The following ERCC1 variants were observed in gnomAD, a reference collection of about 807,000 sequenced individuals.
ERCC1 encodes the protein DNA excision repair protein ERCC-1.
Under a neutral mutation model 37.6 loss-of-function variants are expected in ERCC1, and 36 were observed. The observed-to-expected ratio is 0.96, with a 90% CI of 0.73 to 1.26. ERCC1 has a LOEUF of 1.26. ERCC1 is among the 50% of genes most tolerant of loss of function. The probability of loss-of-function intolerance (pLI) is 0.00; values close to 1 mark genes in which losing one functional copy is unlikely to be tolerated. For missense variants in ERCC1, 349 were observed against 376.5 expected, an observed-to-expected ratio of 0.93 and a Z score of 0.60; for synonymous variants, 156 against 162.1, an observed-to-expected ratio of 0.96 and a Z score of 0.28.
At chr19:45,421,092 T>A in intron 3 of ERCC1, 86 bp downstream of exon 3, 1 of 1,140,886 alleles carries the variant, frequency 8.8e-7, no homozygotes, top group South Asian at 1.2e-5. Context: ...TGGCTGGAAC[T>A]CAGACCTCCT....
intron 1 of ERCC1, 104 bp from the exon 2 acceptor site, chr19:45,423,485 C>T (rs1261054333): frequency 7.3e-6 from 11 of 1,511,404 alleles, no homozygotes; most frequent in East Asian, 2.5e-5. Context: ...ACTCCGAGAG[C>T]TCCATAGCGT....
At chr19:45,451,466 G>A (rs57574142) in intron 1 of ERCC1, among the ~76,000 whole-genome samples, 194 of 152,242 alleles carry the variant, frequency 1.3e-3, no homozygotes, top group African/African-American at 4.5e-3. Context: ...CTCCCTTGGG[G>A]TTCTCTTGCC....
intron 1 of ERCC1, among the ~76,000 whole-genome samples, chr19:45,435,989 C>G (rs748255047): frequency 1.3e-5 from 2 of 152,150 alleles, no homozygotes; most frequent in Non-Finnish European, 1.5e-5. Flanking sequence ...TGGTCTTGAA[C>G]TCCTGACCTC....
rs188476016 is a variant in ERCC1, at chr19:45,431,899, T to A, written c.-7-8518A>T. Among the ~76,000 whole-genome samples, 168 of 151,940 alleles carry A rather than the reference T, an allele frequency of 1.1e-3. 1 individual carries two copies. Among genetic ancestry groups the A allele is most frequent in the African/African-American group, 3.8e-3 (157 of 41,418 alleles). The stretch of plus-strand genomic sequence containing the variant: ...AGACTGAGACCCTGCCTCAAAAAAA[T>A]TTTTTTTTATTTTGGAAAACATGGT... On this transcript the variant is annotated intron_variant, in intron 1 of 8. Transcript: ENST00000423698.
chr19:45,445,305 G>C (rs1296761370), intron 1 of ERCC1, among the ~76,000 whole-genome samples: 1 of 152,070 alleles, frequency 6.6e-6, no homozygotes. Flanking sequence ...TGTGAGCCAC[G>C]GCACCTGCCC....
chr19:45,409,220 C>A lies in ERCC1; in HGVS notation c.*455G>T. On this transcript the variant is annotated 3_prime_UTR_variant, in exon 10 of 10. Transcript: ENST00000300853. ...GGATGACCTTGAGCCTCAGGCAGCTCCCACATCCACCAAGAAGAAGAAGAA... is the reference window on the plus strand; with the variant it reads ...GGATGACCTTGAGCCTCAGGCAGCTACCACATCCACCAAGAAGAAGAAGAA... 1 of 1,610,916 alleles carries A rather than the reference C, an allele frequency of 6.2e-7. No homozygotes were observed. The highest frequency in any genetic ancestry group is 1.1e-5 in the South Asian group (1 of 90,820).
At chr19:45,445,232 G>T (rs888969913) in intron 1 of ERCC1, among the ~76,000 whole-genome samples, 1 of 152,148 alleles carries the variant, frequency 6.6e-6, no homozygotes, top group African/African-American at 2.4e-5. Flanking sequence ...GGCCAGGCTG[G>T]TCTGAACTCC....
At position 45,414,014 on chromosome 19, in the gene ERCC1, G is replaced by C. The variant is rs141279286; in HGVS notation, c.723C>G (p.Thr241=). 3 of 1,613,426 alleles carry C rather than the reference G, an allele frequency of 1.9e-6. No homozygotes were observed. The highest frequency in any genetic ancestry group is 2.2e-5 in the East Asian group (1 of 44,872). Residue 241 remains threonine, a synonymous_variant, in exon 8 of 10, where the codon ACC becomes ACG. Transcript: ENST00000300853. The part of the protein sequence containing the change: ...FVSRVTECLT[T]VKSVNKTDSQ... ...TGTCCGTTTTGTTGACTGACTTCAC[G>C]GTGGTCAGACATTCAGTCACCTGGA...
At chr19:45,450,303 C>G (rs998721862) in intron 1 of ERCC1, among the ~76,000 whole-genome samples, 2 of 152,188 alleles carry the variant, frequency 1.3e-5, no homozygotes, top group African/African-American at 2.4e-5. Flanking sequence ...GTTGAAATAC[C>G]CAGAGCTCCC....
Position 45,409,648 on chromosome 19 carries a change from T to C in ERCC1, c.*27A>G, listed in dbSNP as rs1973564280. 6.9e-7 allele frequency: 1 copy of C among 1,441,750 alleles called. No individual in the cohort carries two copies. Among genetic ancestry groups the C allele is most frequent in the Non-Finnish European group, 9.8e-7 (1 of 1,024,572 alleles). The allele number at this position is 1,441,750 out of a possible 1,614,324, so 89.3% of individuals were successfully genotyped here. A position where few individuals can be genotyped will look rare whatever the true frequency, so the allele number is the denominator to read the frequency against. Reference sequence around the variant, plus strand: ...CTGGGAGGACGATTTATTATTACACTGGGGGTTTCCTTGGCAGCTGGGGTC... The same window carrying C: ...CTGGGAGGACGATTTATTATTACACCGGGGGTTTCCTTGGCAGCTGGGGTC... On this transcript the variant is annotated 3_prime_UTR_variant, in exon 10 of 10. Coordinates refer to ENST00000300853, the MANE Select transcript of ERCC1 (RefSeq NM_001983.4).
rs777215794 is a variant in ERCC1 at position 45,413,566 on chromosome 19, G to C, written c.843+111C>G. The C allele has an allele frequency of 3.1e-6, 5 of 1,613,726 alleles. No homozygotes were observed. In the African/African-American group the frequency reaches 6.7e-5, roughly 22 times the overall value. On this transcript the variant is annotated intron_variant, in intron 9 of 9. Coordinates refer to ENST00000300853, the MANE Select transcript of ERCC1 (RefSeq NM_001983.4). ...GTTGGGATTACAGGCGGAAGCCACT[G>C]TGTCTGGTCTTTGGTTCTTTTTTCA...
At chr19:45,444,019 G>A (rs1975190020) in intron 1 of ERCC1, among the ~76,000 whole-genome samples, 1 of 146,228 alleles carries the variant, frequency 6.8e-6, no homozygotes, top group Non-Finnish European at 1.5e-5. Flanking sequence ...TCCATACCGG[G>A]CCCCTCTTCC....
At chr19:45,426,268 AC>A (rs923366674), upstream of ERCC1, among the ~76,000 whole-genome samples, 2 of 151,166 alleles carry the variant, frequency 1.3e-5, no homozygotes, top group African/African-American at 2.4e-5. Flanking sequence ...AGTCCCAGCT[AC>A]TCAGGAGGCT....
chr19:45,448,782 G>T (rs187959960), intron 1 of ERCC1, among the ~76,000 whole-genome samples: 2 of 152,132 alleles, frequency 1.3e-5, no homozygotes, highest in Admixed American at 1.3e-4. Flanking sequence ...GGCCTAGAAA[G>T]ACCCCCCACC....
rs112796905 is a variant in ERCC1 at position 45,448,172 on chromosome 19, G to A, written c.-7-24791C>T. ...CAGGCATAAGCCATCGCGCCCGGTC[G>A]TCTTTCTCTGAGATTCTGACCCACA... On this transcript the variant is annotated intron_variant, in intron 1 of 8. Transcript: ENST00000423698. Among the ~76,000 whole-genome samples, 1,104 of 152,220 alleles carry A rather than the reference G, an allele frequency of 7.3e-3. 8 individuals carry two copies. Among genetic ancestry groups the A allele is most frequent in the African/African-American group, 0.025 (1,030 of 41,538 alleles).
chr19:45,436,344 C>T (rs868460702), intron 1 of ERCC1, among the ~76,000 whole-genome samples: 19 of 152,106 alleles, frequency 1.2e-4, no homozygotes, highest in Admixed American at 7.2e-4. Flanking sequence ...AAGAGAAATT[C>T]GGCCGGGCGC....
chr19:45,430,499 T>C (rs1974805778), intron 1 of ERCC1, among the ~76,000 whole-genome samples: 4 of 152,238 alleles, frequency 2.6e-5, no homozygotes, highest in Admixed American at 2.6e-4. Context: ...AGGTGTTCGG[T>C]TTCCAGCATA....
intron 1 of ERCC1, among the ~76,000 whole-genome samples, chr19:45,445,789 G>A (rs919814272): frequency 6.6e-6 from 1 of 152,172 alleles, no homozygotes; most frequent in Non-Finnish European, 1.5e-5. Context: ...CGCAGGGCCC[G>A]ATGGGCTGAG....
In ERCC1 at chr19:45,421,133, C is replaced by G. The variant is rs745882872; in HGVS notation, c.321+45G>C. 1.2e-4 allele frequency: 185 copies of G among 1,545,896 alleles called. 1 individual carries two copies. Among genetic ancestry groups the G allele is most frequent in the Non-Finnish European group, 3.6e-5 (40 of 1,119,010 alleles). ...TGGAGTCATCCCTAGAACAGCGTTT[C>G]CCACTGAAAACCTCAAGGCCTCACT... On this transcript the variant is annotated intron_variant, in intron 3 of 9. Transcript: ENST00000300853.
Sources: allele counts gnomAD v4.1 joint callset (sites outside exome capture counted in the v4.1 genomes callset), GRCh38; gene constraint gnomAD v4.1.1; transcripts MANE v1.5; gene names NCBI Gene and HGNC (gene_info 2026-07-23, HGNC 2026-07-21).